Variants in STK32B observed in about 807,000 individuals in gnomAD.
STK32B encodes serine/threonine kinase 32B.
A neutral mutation model predicts 52.6 loss-of-function variants in STK32B; 43 were observed. The ratio of observed to expected loss-of-function variants is 0.82; its 90% CI spans 0.64 to 1.05. The LOEUF is 1.05. Ranked by LOEUF, STK32B falls within the 50% of genes least tolerant of loss-of-function variation. The probability of loss-of-function intolerance (pLI) is 0.00; values close to 1 mark genes in which losing one functional copy is unlikely to be tolerated. For synonymous variants in STK32B, 238 were observed against 204.3 expected, an observed-to-expected ratio of 1.17 and a Z score of -1.41; for missense variants, 621 against 534.6, an observed-to-expected ratio of 1.16 and a Z score of -1.59.
chr4:5,494,668 C>G (rs531884451), intron 11 of STK32B, among the ~76,000 whole-genome samples: 44 of 152,158 alleles, frequency 2.9e-4, no homozygotes, highest in African/African-American at 9.4e-4. Context: ...TTCTTCCTAG[C>G]CTCGATGGTC....
At chr4:5,038,123 C>T in the STK32B span, among the ~76,000 whole-genome samples, 1 of 152,166 alleles carries the variant, frequency 6.6e-6, no homozygotes, top group Admixed American at 6.5e-5. Context: ...TAGACATGAC[C>T]TCATCCCTAC....
intron 1 of STK32B, among the ~76,000 whole-genome samples, chr4:5,114,523 G>T (rs1328285738): frequency 6.6e-6 from 1 of 152,034 alleles, no homozygotes; most frequent in Non-Finnish European, 1.5e-5. Flanking sequence ...CAGTGACAAA[G>T]AATGAGCTCC....
chr4:5,128,772 G>A (rs967575738), intron 1 of STK32B, among the ~76,000 whole-genome samples: 2 of 152,192 alleles, frequency 1.3e-5, no homozygotes, highest in African/African-American at 4.8e-5. Flanking sequence ...ATACTGGCCA[G>A]GAGCTGAATC....
chr4:5,418,558 A>G (rs1712353319), intron 6 of STK32B, among the ~76,000 whole-genome samples: 1 of 152,232 alleles, frequency 6.6e-6, no homozygotes, highest in African/African-American at 2.4e-5. Flanking sequence ...TGGAAGAAGG[A>G]GGCCTTAGGA....
rs2108769956 is a variant in STK32B at position 5,074,528 on chromosome 4, C to G, written c.52+22613C>G. Among the ~76,000 whole-genome samples the G allele has an allele frequency of 1.3e-5, 2 of 151,882 alleles. 1 individual carries two copies. The highest frequency in any genetic ancestry group is 6.8e-3 in the Middle Eastern group (2 of 294). On this transcript the variant is annotated intron_variant, in intron 1 of 11. Coordinates refer to ENST00000282908, the MANE Select transcript of STK32B (RefSeq NM_018401.3). ...GGATGTTGTTTTCTTTACCATGGAA[C>G]ACATTCTTCTGTTTCTTTACATATC...
chr4:5,411,814 A>G (rs530792728), intron 5 of STK32B, among the ~76,000 whole-genome samples: 4 of 152,250 alleles, frequency 2.6e-5, no homozygotes, highest in Non-Finnish European at 2.9e-5. Flanking sequence ...AACTGTGGGA[A>G]AGAAATGGCT....
intron 2 of STK32B, among the ~76,000 whole-genome samples, chr4:5,152,562 G>A (rs1161077559): frequency 6.6e-6 from 1 of 152,266 alleles, no homozygotes; most frequent in Non-Finnish European, 1.5e-5. Flanking sequence ...ACCCCGGTGG[G>A]CTTCTGGAGC....
intron 3 of STK32B, among the ~76,000 whole-genome samples, chr4:5,210,057 C>T (rs1055322373): frequency 2.0e-5 from 3 of 152,156 alleles, no homozygotes; most frequent in Non-Finnish European, 4.4e-5. Context: ...GTCATTGAAG[C>T]TCTTCCATTG....
chr4:5,242,548 G>A (rs1725111292), intron 3 of STK32B, among the ~76,000 whole-genome samples: 2 of 152,144 alleles, frequency 1.3e-5, no homozygotes, highest in African/African-American at 4.8e-5. Flanking sequence ...TCTGATGGTG[G>A]TTTCTTTTGC....
At chr4:5,326,674 T>A (rs995664926) in intron 3 of STK32B, among the ~76,000 whole-genome samples, 1 of 152,218 alleles carries the variant, frequency 6.6e-6, no homozygotes, top group Non-Finnish European at 1.5e-5. Flanking sequence ...ATGCTAACAC[T>A]CATCTGAGCC....
In STK32B at chr4:5,386,363, A is replaced by C. The variant is rs998281473; in HGVS notation, c.435-11844A>C. 2.4e-4 allele frequency among the ~76,000 whole-genome samples: 36 copies of C among 152,138 alleles called. No homozygotes were observed. Among genetic ancestry groups the C allele is most frequent in the African/African-American group, 8.7e-4 (36 of 41,420 alleles). Reference sequence around the variant, plus strand: ...TGAGTCCAGAGCCCATGCATAGTGCAGGGTGGAAATGGTGGGCCAGAGGGA... The same window carrying C: ...TGAGTCCAGAGCCCATGCATAGTGCCGGGTGGAAATGGTGGGCCAGAGGGA... On this transcript the variant is annotated intron_variant, in intron 4 of 11. Coordinates refer to ENST00000282908, the MANE Select transcript of STK32B (RefSeq NM_018401.3). The surrounding 1 kb of genome is among the most constrained non-coding windows in gnomAD (Gnocchi z 4.5).
At chr4:5,407,144 C>G (rs1197981270) in intron 5 of STK32B, among the ~76,000 whole-genome samples, 1 of 152,126 alleles carries the variant, frequency 6.6e-6, no homozygotes, top group African/African-American at 2.4e-5. Flanking sequence ...TCATCACTCT[C>G]AAGTTCAAAA....
At chr4:5,329,503 C>A (rs1168448446) in intron 3 of STK32B, among the ~76,000 whole-genome samples, 1 of 152,190 alleles carries the variant, frequency 6.6e-6, no homozygotes, top group South Asian at 2.1e-4. Flanking sequence ...TCCTCCCACC[C>A]ACCTTCACCT....
intron 2 of STK32B, among the ~76,000 whole-genome samples, chr4:5,155,991 AAT>A (rs761271498): frequency 1.3e-5 from 2 of 152,030 alleles, no homozygotes; most frequent in African/African-American, 4.8e-5. Flanking sequence ...CTCTCTACAT[AAT>A]ATATATACCC....
chr4:5,027,023 G>A, the STK32B span, among the ~76,000 whole-genome samples: 2 of 152,324 alleles, frequency 1.3e-5, no homozygotes, highest in South Asian at 2.1e-4. Flanking sequence ...TTGAGGTCAG[G>A]AGCCACTAAT....
At chr4:5,316,613 T>TATATATTATATATATA (rs1730812494) in intron 3 of STK32B, among the ~76,000 whole-genome samples, 1 of 15,140 alleles carries the variant, frequency 6.6e-5, no homozygotes, top group Non-Finnish European at 8.6e-5. Flanking sequence ...TAATATATAT[T>TATATATTATATATATA]ATATATTATA....
intron 3 of STK32B, among the ~76,000 whole-genome samples, chr4:5,192,764 G>A (rs58636242): frequency 0.012 from 1,771 of 150,966 alleles, 34 homozygotes; most frequent in African/African-American, 0.04. Flanking sequence ...GGCAAATTTC[G>A]AGTACACAAG....
intron 11 of STK32B, among the ~76,000 whole-genome samples, chr4:5,496,026 G>A (rs1466239986): frequency 6.6e-6 from 1 of 152,228 alleles, no homozygotes; most frequent in South Asian, 2.1e-4. Context: ...GGGGGCAGGG[G>A]TCAGGGACCC....
intron 3 of STK32B, among the ~76,000 whole-genome samples, chr4:5,206,933 T>G (rs1358496138): frequency 1.3e-5 from 2 of 152,236 alleles, no homozygotes; most frequent in African/African-American, 4.8e-5. Context: ...CATTCCAGAC[T>G]CATCCTGTTC....
Sources: allele counts gnomAD v4.1 joint callset (sites outside exome capture counted in the v4.1 genomes callset), GRCh38; gene constraint gnomAD v4.1.1; non-coding constraint Gnocchi (gnomAD v3.1); transcripts MANE v1.5; gene names NCBI Gene and HGNC (gene_info 2026-07-23, HGNC 2026-07-21).